Variants in DCLK2 observed in about 807,000 individuals in gnomAD.
DCLK2 encodes the protein doublecortin like kinase 2.
A neutral mutation model predicts 78.4 loss-of-function variants in DCLK2; 31 were observed. That is an observed-to-expected ratio of 0.40 (90% CI 0.30 to 0.53). The LOEUF (loss-of-function observed/expected upper bound fraction) is 0.53. DCLK2 is among the 20% of genes least tolerant of loss of function. The pLI is 0.61. For synonymous variants in DCLK2, 407 were observed against 374.9 expected (o/e 1.09, Z -0.99); for missense variants, 872 against 973.7 (o/e 0.90, Z 1.39).
rs71596222 is a variant in DCLK2 at position 150,190,034 on chromosome 4, C to CA, written c.757-3087dup. Among the ~76,000 whole-genome samples, 33 of 26,236 alleles carry CA rather than the reference C, an allele frequency of 1.3e-3. 7 individuals are homozygous for CA. Among genetic ancestry groups the CA allele is most frequent in the South Asian group, 6.5e-3 (2 of 310 alleles). 17.2% of individuals were successfully genotyped at this position (26,236 alleles called of 152,430 possible). A position where few individuals can be genotyped will look rare whatever the true frequency, so the allele number is the denominator to read the frequency against. On this transcript the variant is annotated intron_variant, in intron 2 of 15. Coordinates refer to ENST00000296550, the MANE Select transcript of DCLK2 (RefSeq NM_001040260.4). ...TGGGCATCATAGGGAGACCCTGTCT[C>CA]AAAAAAAAAAAAAAAAAGGCCAAGT...
chr4:150,177,568 T>C (rs1737186073), intron 2 of DCLK2, among the ~76,000 whole-genome samples: 2 of 152,212 alleles, frequency 1.3e-5, no homozygotes, highest in Admixed American at 6.5e-5. Context: ...GTATTAAGGG[T>C]ATAAAGAATT....
At chr4:150,090,360 C>T (rs1295818493) in intron 1 of DCLK2, among the ~76,000 whole-genome samples, 6 of 152,154 alleles carry the variant, frequency 3.9e-5, no homozygotes, top group Non-Finnish European at 7.3e-5. Flanking sequence ...GATCCAAGAT[C>T]GCGCCATTAC....
intron 2 of DCLK2, among the ~76,000 whole-genome samples, chr4:150,164,197 C>T (rs959912971): frequency 6.6e-6 from 1 of 152,188 alleles, no homozygotes; most frequent in African/African-American, 2.4e-5. Flanking sequence ...ATTTTAACCC[C>T]AGCTGCTAAT....
chr4:150,149,181 C>A (rs1734710736), intron 2 of DCLK2, among the ~76,000 whole-genome samples: 1 of 151,918 alleles, frequency 6.6e-6, no homozygotes, highest in East Asian at 1.9e-4. Flanking sequence ...TATCAGACCC[C>A]CCACCCCTCA....
At chr4:150,158,969 A>G (rs535598716) in intron 2 of DCLK2, among the ~76,000 whole-genome samples, 1 of 152,324 alleles carries the variant, frequency 6.6e-6, no homozygotes, top group East Asian at 1.9e-4. Context: ...ATAGCGTAGT[A>G]TTTAGAAACC....
At chr4:150,206,287 T>A (rs1213153873) in intron 5 of DCLK2, among the ~76,000 whole-genome samples, 3 of 152,146 alleles carry the variant, frequency 2.0e-5, no homozygotes, top group Non-Finnish European at 4.4e-5. Flanking sequence ...GTAAAATTGT[T>A]CCTTCTATGC....
At chr4:150,218,872 T>C (rs1580738499) in intron 5 of DCLK2, among the ~76,000 whole-genome samples, 2 of 152,304 alleles carry the variant, frequency 1.3e-5, no homozygotes, top group East Asian at 1.9e-4. Flanking sequence ...GATACAACTT[T>C]CCAGAAAAAT....
chr4:150,193,183 G>T lies in DCLK2; in HGVS notation c.802G>T (p.Ala268Ser). The T allele has an allele frequency of 6.2e-7, 1 of 1,611,154 alleles. No homozygotes were observed. The highest frequency in any genetic ancestry group is 8.5e-7 in the Non-Finnish European group (1 of 1,178,132). The change falls in exon 3 of 16, where the codon GCA becomes TCA. Residue 268 changes from alanine to serine, a missense_variant. Ala to Ser is a moderately conservative substitution (Grantham distance 99, BLOSUM62 1). Transcript: ENST00000296550. Reference protein sequence around the residue: ...DFFGDDDVFIACGPEKFRYAQ... With the variant: ...DFFGDDDVFISCGPEKFRYAQ... ...TTTTGGTGATGACGATGTTTTTATT[G>T]CATGTGGACCAGAAAAATTTCGTTA...
Position 150,240,453 on chromosome 4 carries a change from C to T in DCLK2, c.1755C>T (p.Leu585=), listed in dbSNP as rs968762261. ...CTGGTGTGATCACATACATACTTCTCTGTGGATTCCCACCATTCCGAAGGT... is the reference window on the plus strand; with the variant it reads ...CTGGTGTGATCACATACATACTTCTTTGTGGATTCCCACCATTCCGAAGGT... ...WAAGVITYIL[L]CGFPPFRSEN... is the part of the protein sequence containing the mutation. The change falls in exon 12 of 16, where the codon CTC becomes CTT. Residue 585 remains leucine (L), a synonymous_variant. Transcript: ENST00000296550. The T allele has an allele frequency of 6.2e-7, 1 of 1,613,574 alleles. No homozygotes were observed. The highest frequency in any genetic ancestry group is 8.5e-7 in the Non-Finnish European group (1 of 1,179,676).
chr4:150,253,135 G>C (rs572365714), intron 15 of DCLK2: 6 of 459,794 alleles, frequency 1.3e-5, no homozygotes, highest in African/African-American at 4.0e-5. Context: ...TCCTCCTCAC[G>C]TCACTGTGTG....
At chr4:150,212,654 A>G (rs1740403005) in intron 5 of DCLK2, among the ~76,000 whole-genome samples, 1 of 152,212 alleles carries the variant, frequency 6.6e-6, no homozygotes, top group Non-Finnish European at 1.5e-5. Context: ...TGATTTGCAC[A>G]TTGTAGTTGC....
rs200669884 is a variant in DCLK2, at chr4:150,222,881, AT to A, written c.1241+1097del. ...ACTGTGTCTCAAAAAAAAAAAAAAA[AT>A]CACAATCAGCCTACTTTTGCCTATT... On this transcript the variant is annotated intron_variant, in intron 7 of 15. Transcript: ENST00000296550. Among the ~76,000 whole-genome samples the A allele has an allele frequency of 5.7e-3, 865 of 151,930 alleles. 13 individuals are homozygous for A. The highest frequency in any genetic ancestry group is 0.02 in the African/African-American group (818 of 41,372).
chr4:150,197,229 C>T (rs1465896031), intron 3 of DCLK2, among the ~76,000 whole-genome samples: 4 of 151,416 alleles, frequency 2.6e-5, no homozygotes, highest in Non-Finnish European at 5.9e-5. Flanking sequence ...GAAGATGGAA[C>T]ATAATTCAGG....
intron 12 of DCLK2, among the ~76,000 whole-genome samples, chr4:150,244,130 T>C (rs1743129379): frequency 6.6e-6 from 1 of 152,028 alleles, no homozygotes; most frequent in South Asian, 2.1e-4. Flanking sequence ...AGATGGGGTC[T>C]TGCAGTGTTG....
chr4:150,184,168 A>T (rs1395641336), intron 2 of DCLK2, among the ~76,000 whole-genome samples: 1 of 152,250 alleles, frequency 6.6e-6, no homozygotes, highest in East Asian at 1.9e-4. Context: ...AGAGGTCCAG[A>T]CACAAAACCA....
chr4:150,137,230 C>A (rs1238192710), intron 2 of DCLK2, among the ~76,000 whole-genome samples: 2 of 152,046 alleles, frequency 1.3e-5, no homozygotes, highest in African/African-American at 4.8e-5. Flanking sequence ...GTGGAGTTAG[C>A]TGGGACAGGT....
In DCLK2 at chr4:150,131,156, C is replaced by T. The variant is rs551032315; in HGVS notation, c.756+28344C>T. On this transcript the variant is annotated intron_variant, in intron 2 of 15. Coordinates refer to ENST00000296550, the MANE Select transcript of DCLK2 (RefSeq NM_001040260.4). ...TCCTGCCTCAGCCTCCCAAGTAGCT[C>T]GGATTACAGGCATGCATCACTGTGC... 2.6e-3 allele frequency among the ~76,000 whole-genome samples: 388 copies of T among 152,106 alleles called. 3 individuals carry two copies. Among genetic ancestry groups the T allele is most frequent in the African/African-American group, 6.7e-3 (277 of 41,462 alleles).
intron 2 of DCLK2, among the ~76,000 whole-genome samples, chr4:150,158,838 T>C (rs550844585): frequency 1.3e-5 from 2 of 151,768 alleles, no homozygotes; most frequent in East Asian, 3.9e-4. Flanking sequence ...CCAGCTGAGG[T>C]GACAGTGAGA....
rs548598209 is a variant in DCLK2 at position 150,085,371 on chromosome 4, C to T, written c.421+5923C>T. On this transcript the variant is annotated intron_variant, in intron 1 of 15. Transcript: ENST00000296550. ...TAGAAAGTCCAAGGCACGGCACTGG[C>T]ATCTGTTGAGGGTCATCCCATGGTG... 3.3e-5 allele frequency among the ~76,000 whole-genome samples: 5 copies of T among 152,192 alleles called. No individual in the cohort carries two copies. In the East Asian group the frequency reaches 9.6e-4, roughly 29 times the overall value.
Sources: allele counts gnomAD v4.1 joint callset (sites outside exome capture counted in the v4.1 genomes callset), GRCh38; gene constraint gnomAD v4.1.1; transcripts MANE v1.5; gene names NCBI Gene and HGNC (gene_info 2026-07-23, HGNC 2026-07-21).